Variants in DYNC1I1 observed in about 807,000 individuals in gnomAD.
The protein encoded by DYNC1I1 is dynein cytoplasmic 1 intermediate chain 1.
A neutral mutation model predicts 86.6 loss-of-function variants in DYNC1I1; 43 were observed. The observed-to-expected ratio is 0.50, with a 90% CI of 0.39 to 0.64. The LOEUF is 0.64. Ranked by LOEUF, DYNC1I1 falls within the 30% of genes least tolerant of loss-of-function variation. DYNC1I1 has a pLI of 0.00. For synonymous variants in DYNC1I1, 262 were observed against 283.7 expected (o/e 0.92, Z 0.77); for missense variants, 604 against 788.8 (o/e 0.77, Z 2.81).
At chr7:95,988,344 G>A (rs1793648532) in intron 9 of DYNC1I1, among the ~76,000 whole-genome samples, 1 of 152,170 alleles carries the variant, frequency 6.6e-6, no homozygotes, top group South Asian at 2.1e-4. Flanking sequence ...GGGTGATGCA[G>A]TGAGACTCCA....
At chr7:95,816,360 A>T (rs1794946347) in intron 4 of DYNC1I1, among the ~76,000 whole-genome samples, 1 of 152,178 alleles carries the variant, frequency 6.6e-6, no homozygotes, top group East Asian at 1.9e-4. Flanking sequence ...AGAAAATTTT[A>T]AAAAATGGGT....
intron 5 of DYNC1I1, among the ~76,000 whole-genome samples, chr7:95,861,213 T>C (rs1367029202): frequency 6.6e-6 from 1 of 152,160 alleles, no homozygotes; most frequent in East Asian, 1.9e-4. Flanking sequence ...ATCAGCATTA[T>C]AATATCCAGT....
chr7:96,070,752 C>T (rs527291350), intron 14 of DYNC1I1, among the ~76,000 whole-genome samples: 1 of 152,146 alleles, frequency 6.6e-6, no homozygotes, highest in Admixed American at 6.5e-5. Flanking sequence ...TCTTCCTATT[C>T]ACCAAAACAC....
chr7:95,792,324 A>G (rs1794325437), intron 1 of DYNC1I1, among the ~76,000 whole-genome samples: 1 of 152,180 alleles, frequency 6.6e-6, no homozygotes, highest in South Asian at 2.1e-4. Flanking sequence ...GGCATATTGA[A>G]TATTTTAAGC....
chr7:95,986,990 G>A, intron 8 of DYNC1I1, 66 bp from the exon 9 acceptor site: 4 of 1,426,130 alleles, frequency 2.8e-6, no homozygotes, highest in Non-Finnish European at 3.9e-6. Flanking sequence ...TGCCATATCA[G>A]TGCTTCTATA....
At position 96,031,997 on chromosome 7, in the gene DYNC1I1, G is replaced by A. The variant is rs150601820; in HGVS notation, c.1117-670G>A. Reference sequence around the variant, plus strand: ...GGATGTATAAATGACCTTTCTCAATGCCCTGGCCAAATCTAAGCCTCTATA... The same window carrying A: ...GGATGTATAAATGACCTTTCTCAATACCCTGGCCAAATCTAAGCCTCTATA... On this transcript the variant is annotated intron_variant, in intron 11 of 16. Coordinates refer to ENST00000447467, the MANE Select transcript of DYNC1I1 (RefSeq NM_001135556.2). Among the ~76,000 whole-genome samples the A allele has an allele frequency of 4.2e-3, 643 of 152,152 alleles. 1 individual carries two copies. The highest frequency in any genetic ancestry group is 0.013 in the South Asian group (63 of 4,818).
chr7:96,044,988 T>C (rs545915347), intron 14 of DYNC1I1, among the ~76,000 whole-genome samples: 13 of 152,034 alleles, frequency 8.6e-5, no homozygotes, highest in Non-Finnish European at 1.9e-4. Flanking sequence ...CAAAGTTAGA[T>C]GGATGTGGGC....
chr7:96,034,593 A>G (rs946212528), intron 12 of DYNC1I1, among the ~76,000 whole-genome samples: 4 of 152,154 alleles, frequency 2.6e-5, no homozygotes, highest in Non-Finnish European at 5.9e-5. Context: ...TGCTAATTTT[A>G]GTGATGAAGC....
At chr7:95,895,730 A>G (rs1303280720) in intron 6 of DYNC1I1, among the ~76,000 whole-genome samples, 1 of 152,264 alleles carries the variant, frequency 6.6e-6, no homozygotes, top group Non-Finnish European at 1.5e-5. Context: ...TTAGCAAAAA[A>G]AAAGTGAGAA....
chr7:95,809,333 A>G (rs927168134), intron 2 of DYNC1I1, among the ~76,000 whole-genome samples: 5 of 152,166 alleles, frequency 3.3e-5, no homozygotes, highest in African/African-American at 1.2e-4. Context: ...AAGGTATTCT[A>G]CATGCCCAAA....
intron 14 of DYNC1I1, among the ~76,000 whole-genome samples, chr7:96,068,908 A>G (rs919574596): frequency 1.3e-5 from 2 of 151,080 alleles, no homozygotes; most frequent in Non-Finnish European, 2.9e-5. Context: ...TTGCTACTTA[A>G]CTTATCCACT....
chr7:96,053,901 T>C (rs1279020828), intron 14 of DYNC1I1, among the ~76,000 whole-genome samples: 1 of 152,246 alleles, frequency 6.6e-6, no homozygotes, highest in Non-Finnish European at 1.5e-5. Flanking sequence ...GGAAGATTAT[T>C]CTCATTCTTC....
intron 16 of DYNC1I1, chr7:96,109,834 G>C (rs1173154208): frequency 6.0e-6 from 1 of 167,190 alleles, no homozygotes; most frequent in Non-Finnish European, 1.3e-5. Flanking sequence ...AATTTTACTT[G>C]TACTTAAGAA....
At position 95,991,745 on chromosome 7, in the gene DYNC1I1, C is replaced by T. The variant is rs79904628; in HGVS notation, c.844-4203C>T. ...CCTGCACCCCTCTTTGGACTCTTGT[C>T]CCTGCTGTCATCTGTCCTAATAACC... On this transcript the variant is annotated intron_variant, in intron 9 of 16. Coordinates refer to ENST00000447467, the MANE Select transcript of DYNC1I1 (RefSeq NM_001135556.2). Among the ~76,000 whole-genome samples the T allele has an allele frequency of 3.3e-5, 5 of 152,254 alleles. No individual in the cohort carries two copies. In the East Asian group the frequency reaches 7.7e-4, roughly 24 times the overall value.
chr7:95,995,743 G>T (rs1307093649), intron 9 of DYNC1I1, among the ~76,000 whole-genome samples: 3 of 152,138 alleles, frequency 2.0e-5, no homozygotes, highest in Admixed American at 1.3e-4. Context: ...GATAGTTACC[G>T]GTGAGTATGA....
intron 6 of DYNC1I1, among the ~76,000 whole-genome samples, chr7:95,960,738 A>G (rs1475094045): frequency 6.6e-6 from 1 of 152,222 alleles, no homozygotes; most frequent in Non-Finnish European, 1.5e-5. Flanking sequence ...ACAATAGTTG[A>G]TACCGTGCAG....
intron 6 of DYNC1I1, among the ~76,000 whole-genome samples, chr7:95,889,723 T>TA (rs200469673): frequency 0.024 from 3,703 of 152,106 alleles, 129 homozygotes; most frequent in African/African-American, 0.076. Flanking sequence ...CCAGTATCTA[T>TA]AAAAAAACTT....
At chr7:95,870,143 G>A (rs1790125192) in intron 6 of DYNC1I1, 145 bp downstream of exon 6, 2 of 698,022 alleles carry the variant, frequency 2.9e-6, no homozygotes, top group South Asian at 4.9e-5. Flanking sequence ...CCTCTTCTGA[G>A]TTTGAAAGCT....
chr7:95,882,342 G>A (rs977752997), intron 6 of DYNC1I1, among the ~76,000 whole-genome samples: 3 of 152,084 alleles, frequency 2.0e-5, no homozygotes, highest in Admixed American at 6.6e-5. Flanking sequence ...TGCCAAAACC[G>A]GGTACTTCTT....
Sources: allele counts gnomAD v4.1 joint callset (sites outside exome capture counted in the v4.1 genomes callset), GRCh38; gene constraint gnomAD v4.1.1; transcripts MANE v1.5; gene names NCBI Gene and HGNC (gene_info 2026-07-23, HGNC 2026-07-21).